DCC: variants seen among roughly 807,000 people sequenced by gnomAD.
The protein encoded by DCC is DCC netrin 1 receptor.
Under a neutral mutation model 172.5 loss-of-function variants are expected in DCC, and 58 were observed. That is an observed-to-expected ratio of 0.34 (90% CI 0.27 to 0.42). The LOEUF is 0.42. DCC is among the 10% of genes least tolerant of loss of function. The pLI is 1.00. For synonymous variants in DCC, 709 were observed against 644.5 expected (o/e 1.10, Z -1.52); for missense variants, 1,740 against 1,791.0 (o/e 0.97, Z 0.51).
chr18:53,513,369 T>A (rs900522569), intron 27 of DCC, among the ~76,000 whole-genome samples: 1 of 152,164 alleles, frequency 6.6e-6, no homozygotes, highest in East Asian at 1.9e-4. Flanking sequence ...TGCCAAAATG[T>A]AAAGACCATC....
chr18:52,804,017 C>A (rs971692468), intron 2 of DCC, among the ~76,000 whole-genome samples: 2 of 152,098 alleles, frequency 1.3e-5, no homozygotes, highest in Admixed American at 6.5e-5. Flanking sequence ...TGGACTCGGG[C>A]GTCTGGGTGA....
At chr18:53,177,125 A>G (rs2055111294) in intron 8 of DCC, among the ~76,000 whole-genome samples, 1 of 151,306 alleles carries the variant, frequency 6.6e-6, no homozygotes, top group Admixed American at 6.6e-5. Flanking sequence ...TGGGAATTGA[A>G]CAATGAGATC....
chr18:53,138,034 C>G (rs939273495), intron 7 of DCC, among the ~76,000 whole-genome samples: 4 of 151,672 alleles, frequency 2.6e-5, no homozygotes, highest in African/African-American at 9.7e-5. Context: ...TGCAATGTTA[C>G]CCAGGGTGGT....
intron 9 of DCC, among the ~76,000 whole-genome samples, chr18:53,196,948 G>C (rs1282415708): frequency 2.0e-5 from 3 of 151,926 alleles, no homozygotes; most frequent in Non-Finnish European, 4.4e-5. Flanking sequence ...GTCAAGGAGA[G>C]GTTTCATTAT....
rs189996524 is a variant in DCC, at chr18:52,838,391, A to G, written c.413-67653A>G. 2.0e-3 allele frequency among the ~76,000 whole-genome samples: 300 copies of G among 152,298 alleles called. 1 individual carries two copies. The highest frequency in any genetic ancestry group is 3.2e-3 in the Non-Finnish European group (220 of 68,026). On this transcript the variant is annotated intron_variant, in intron 2 of 28. Transcript: ENST00000442544. ...ACATTCTGGTGACTAACAGATTTTT[A>G]CAATTGTTCAGGATAATACTTGCAT...
chr18:52,773,299 A>G (rs1241868821), intron 2 of DCC, among the ~76,000 whole-genome samples: 1 of 152,218 alleles, frequency 6.6e-6, no homozygotes, highest in Non-Finnish European at 1.5e-5. Flanking sequence ...TGAACACATT[A>G]CAACAATTTT....
At chr18:52,954,935 G>A (rs1038312705) in intron 5 of DCC, among the ~76,000 whole-genome samples, 1 of 152,122 alleles carries the variant, frequency 6.6e-6, no homozygotes, top group African/African-American at 2.4e-5. Flanking sequence ...GCACAGTTGA[G>A]CAGAAAGTAC....
In DCC at chr18:52,793,260, CAAAG is replaced by C. The variant is rs1174589168; in HGVS notation, c.412+40888_412+40891del. On this transcript the variant is annotated intron_variant, in intron 2 of 28. Transcript: ENST00000442544. ...TGTTCTTTATTGTACAAGTGGCTGA[CAAAG>C]AGAAGGGAAGATGGAGCCACCACCT... 2.6e-5 allele frequency among the ~76,000 whole-genome samples: 4 copies of C among 152,150 alleles called. 1 individual carries two copies. The highest frequency in any genetic ancestry group is 4.1e-4 in the South Asian group (2 of 4,828).
At chr18:52,651,760 G>A (rs568863001) in intron 1 of DCC, among the ~76,000 whole-genome samples, 1 of 152,204 alleles carries the variant, frequency 6.6e-6, no homozygotes, top group African/African-American at 2.4e-5. Context: ...CCAGCCCTTA[G>A]GTGGCATGAA....
rs1317625288 is a variant in DCC, at chr18:53,427,974, AATATAATATAATATATTATAATAAT to A, written c.3164-7156_3164-7132del. On this transcript the variant is annotated intron_variant, in intron 21 of 28. Transcript: ENST00000442544. ...TATATAATATAATAATATAATATAT[AATATAATATAATATATTATAATAAT>A]ATATAATATAATACTATAATAATAT... Among the ~76,000 whole-genome samples the A allele has an allele frequency of 2.4e-4, 10 of 41,978 alleles. 1 individual carries two copies. The highest frequency in any genetic ancestry group is 6.2e-4 in the African/African-American group (10 of 16,192). The allele number at this position is 41,978 out of a possible 152,430, so 27.5% of individuals were successfully genotyped here. A position where few individuals can be genotyped will look rare whatever the true frequency, so the allele number is the denominator to read the frequency against.
chr18:53,390,373 C>T (rs957843742), intron 16 of DCC, among the ~76,000 whole-genome samples: 5 of 151,904 alleles, frequency 3.3e-5, no homozygotes, highest in African/African-American at 4.8e-5. Flanking sequence ...AGGGGATAGG[C>T]ATTTGAAATG....
intron 2 of DCC, among the ~76,000 whole-genome samples, chr18:52,835,062 A>G (rs2187221): frequency 0.44 from 66,637 of 151,982 alleles, 14,799 homozygotes; most frequent in South Asian, 0.55. Context: ...TCATAGGCAA[A>G]CAGCTTTTTA....
At chr18:53,326,436 T>A (rs77823067) in intron 14 of DCC, among the ~76,000 whole-genome samples, 2,454 of 152,288 alleles carry the variant, frequency 0.016, 74 homozygotes, top group African/African-American at 0.056. Context: ...ACTGTGATAC[T>A]TCCTCAAAGT....
intron 1 of DCC, among the ~76,000 whole-genome samples, chr18:52,599,680 A>G (rs1451835428): frequency 1.3e-5 from 2 of 151,882 alleles, no homozygotes; most frequent in Non-Finnish European, 2.9e-5. Flanking sequence ...CGCCTGACTA[A>G]TTTTTGTATT....
chr18:52,377,383 G>A (rs1269409089), intron 1 of DCC, among the ~76,000 whole-genome samples: 1 of 152,110 alleles, frequency 6.6e-6, no homozygotes, highest in Non-Finnish European at 1.5e-5. Flanking sequence ...TATTTACAAG[G>A]ATTCTACAGG....
At chr18:53,014,707 A>T (rs1193516913) in intron 5 of DCC, among the ~76,000 whole-genome samples, 1 of 152,094 alleles carries the variant, frequency 6.6e-6, no homozygotes, top group Non-Finnish European at 1.5e-5. Context: ...GAGAAGGCTC[A>T]CGTGTTCAAG....
At chr18:52,830,628 A>G (rs927734620) in intron 2 of DCC, among the ~76,000 whole-genome samples, 5 of 152,178 alleles carry the variant, frequency 3.3e-5, no homozygotes, top group African/African-American at 1.2e-4. Context: ...CTACTCTTGA[A>G]TTAGTCACTC....
intron 27 of DCC, among the ~76,000 whole-genome samples, chr18:53,519,388 C>T (rs1481441843): frequency 6.6e-6 from 1 of 152,000 alleles, no homozygotes; most frequent in Non-Finnish European, 1.5e-5. Context: ...GCTTAGACTT[C>T]AGAGTGGGAA....
intron 14 of DCC, among the ~76,000 whole-genome samples, chr18:53,334,891 C>A (rs1486370385): frequency 6.6e-6 from 1 of 152,156 alleles, no homozygotes; most frequent in Non-Finnish European, 1.5e-5. Flanking sequence ...ATGCTGCTAT[C>A]AACATGGATG....
Sources: gnomAD v4.1 joint callset for allele counts (sites outside exome capture counted in the v4.1 genomes callset) on GRCh38, gnomAD v4.1.1 for gene constraint, MANE v1.5 for transcripts, NCBI Gene and HGNC (gene_info 2026-07-23, HGNC 2026-07-21) for gene names.